EDA: variants seen among roughly 807,000 people sequenced by gnomAD.
EDA encodes ectodysplasin A, also known as ectodysplasin-A.
A neutral mutation model predicts 23.6 loss-of-function variants in EDA; 2 were observed. The observed-to-expected ratio is 0.08, with a 90% CI of 0.03 to 0.27. The LOEUF is 0.27. Ranked by LOEUF, EDA falls within the 10% of genes least tolerant of loss-of-function variation. The pLI is 1.00. For synonymous variants in EDA, 131 were observed against 132.0 expected (o/e 0.99, Z 0.05); for missense variants, 229 against 324.2 (o/e 0.71, Z 2.26).
intron 1 of EDA, among the ~76,000 whole-genome samples, chrX:69,789,140 C>T (rs1187941219): frequency 8.9e-6 from 1 of 112,203 alleles, no homozygotes; most frequent in Admixed American, 9.4e-5. Context: ...AATGCCTCGC[C>T]CTGCTTGGGC....
At chrX:69,840,195 G>A (rs2016865296) in intron 1 of EDA, among the ~76,000 whole-genome samples, 1 of 110,260 alleles carries the variant, frequency 9.1e-6, no homozygotes, top group African/African-American at 3.3e-5. Context: ...CCTTCTGCCT[G>A]GAAAATTCAA....
chrX:69,779,670 AC>A (rs1287007876), intron 1 of EDA, among the ~76,000 whole-genome samples: 1 of 111,740 alleles, frequency 8.9e-6, no homozygotes, highest in Non-Finnish European at 1.9e-5. Context: ...ATTTAATAGT[AC>A]TAAACGCTAC....
At chrX:69,999,967 T>C (rs1173963850) in intron 2 of EDA, among the ~76,000 whole-genome samples, 1 of 111,869 alleles carries the variant, frequency 8.9e-6, no homozygotes, top group Non-Finnish European at 1.9e-5. Flanking sequence ...TATTATATCA[T>C]CAACTCAAAG....
intron 1 of EDA, among the ~76,000 whole-genome samples, chrX:69,685,820 A>G (rs1451282964): frequency 1.8e-5 from 2 of 112,352 alleles, no homozygotes; most frequent in Non-Finnish European, 3.8e-5. Flanking sequence ...TGTTATATAA[A>G]TGTAGTATGT....
chrX:69,718,335 C>T (rs1464633936), intron 1 of EDA, among the ~76,000 whole-genome samples: 3 of 110,558 alleles, frequency 2.7e-5, no homozygotes, highest in Non-Finnish European at 5.7e-5. Context: ...ACTTCTAGTA[C>T]TGTGTTTAGT....
At chrX:69,801,220 G>A (rs774989522) in intron 1 of EDA, among the ~76,000 whole-genome samples, 20 of 110,758 alleles carry the variant, frequency 1.8e-4, no homozygotes, top group East Asian at 1.7e-3. Flanking sequence ...TTGCTCTATC[G>A]CCCAGGCTGG....
At chrX:69,620,023 A>G (rs1469622816) in intron 1 of EDA, among the ~76,000 whole-genome samples, 1 of 111,830 alleles carries the variant, frequency 8.9e-6, no homozygotes, top group Admixed American at 9.5e-5. Flanking sequence ...GATCAAAAGG[A>G]TGAAGGGATT....
chrX:70,015,121 A>G (rs190420316), intron 2 of EDA, among the ~76,000 whole-genome samples: 42 of 111,861 alleles, frequency 3.8e-4, no homozygotes, highest in Non-Finnish European at 6.2e-4. Flanking sequence ...TAGTCATCAG[A>G]TTCTCCAAGG....
intron 1 of EDA, among the ~76,000 whole-genome samples, chrX:69,769,385 T>G (rs1004294461): frequency 2.7e-5 from 3 of 111,737 alleles, no homozygotes; most frequent in African/African-American, 9.7e-5. Context: ...TCTTTAACTT[T>G]TAACCCATTT....
intron 1 of EDA, among the ~76,000 whole-genome samples, chrX:69,682,517 C>T (rs772106023): frequency 8.0e-5 from 9 of 112,196 alleles, no homozygotes; most frequent in Non-Finnish European, 1.1e-4. Flanking sequence ...GGGATATAAT[C>T]TCCTCGTGCG....
intron 1 of EDA, among the ~76,000 whole-genome samples, chrX:69,782,515 A>G (rs769469227): frequency 9.0e-6 from 1 of 111,335 alleles, no homozygotes; most frequent in East Asian, 2.8e-4. Flanking sequence ...GCATTCAATT[A>G]TGAGGCACAT....
chrX:69,763,531 A>G (rs1209686021), intron 1 of EDA, among the ~76,000 whole-genome samples: 2 of 112,256 alleles, frequency 1.8e-5, no homozygotes, highest in African/African-American at 6.5e-5. Flanking sequence ...AATTATGCCT[A>G]CACAATGCTG....
chrX:69,654,574 T>C (rs1219831868), intron 1 of EDA, among the ~76,000 whole-genome samples: 1 of 111,680 alleles, frequency 9.0e-6, no homozygotes, highest in Non-Finnish European at 1.9e-5. Context: ...TAGACTGGAT[T>C]AAGGAAATGT....
At chrX:69,988,788 G>A (rs1210336438) in intron 2 of EDA, among the ~76,000 whole-genome samples, 1 of 111,080 alleles carries the variant, frequency 9.0e-6, no homozygotes, top group Non-Finnish European at 1.9e-5. Flanking sequence ...CCCGGGAGGT[G>A]GCGGTTGCAG....
intron 3 of EDA, 82 bp downstream of exon 3, chrX:70,023,323 G>A: frequency 3.2e-6 from 2 of 622,586 alleles, no homozygotes; most frequent in South Asian, 2.7e-5. Context: ...TGCGATTTTT[G>A]TATTATATTC....
At chrX:69,760,948 C>T (rs1260297815) in intron 1 of EDA, among the ~76,000 whole-genome samples, 1 of 111,137 alleles carries the variant, frequency 9.0e-6, no homozygotes, top group East Asian at 2.8e-4. Context: ...ATCCTGGGGG[C>T]ACTGGGAAGC....
At position 69,791,985 on chromosome X, in the gene EDA, G is replaced by A. The variant is rs7052199; in HGVS notation, c.397-165042G>A. Among the ~76,000 whole-genome samples the A allele has an allele frequency of 7.7e-3, 864 of 111,649 alleles. 6 individuals carry two copies. The highest frequency in any genetic ancestry group is 0.027 in the African/African-American group (823 of 30,679). On this transcript the variant is annotated intron_variant, in intron 1 of 7. Transcript: ENST00000374552. ...TTTTTCTTTTTATTTCAACAGTTTT[G>A]GGGGGTACAGCTGCGTTTTGGTTAC...
At chrX:70,014,389 G>A (rs1343117619) in intron 2 of EDA, among the ~76,000 whole-genome samples, 3 of 112,728 alleles carry the variant, frequency 2.7e-5, no homozygotes, top group East Asian at 5.6e-4. Context: ...AAGACCTAGC[G>A]CAAAGCCTCA....
At chrX:69,945,973 G>A (rs1346008425) in intron 1 of EDA, among the ~76,000 whole-genome samples, 1 of 111,918 alleles carries the variant, frequency 8.9e-6, no homozygotes, top group Non-Finnish European at 1.9e-5. Context: ...GGACACACCT[G>A]GACACATGGG....
Sources: allele counts gnomAD v4.1 joint callset (sites outside exome capture counted in the v4.1 genomes callset), GRCh38; gene constraint gnomAD v4.1.1; transcripts MANE v1.5; gene names NCBI Gene and HGNC (gene_info 2026-07-23, HGNC 2026-07-21).